The following PRKN variants were observed in gnomAD, a reference collection of about 807,000 sequenced individuals.
PRKN encodes the protein parkin RBR E3 ubiquitin protein ligase, also known as E3 ubiquitin-protein ligase parkin.
In PRKN, 56 loss-of-function variants were observed where a neutral mutation model predicts 59.5. The ratio of observed to expected loss-of-function variants is 0.94; its 90% confidence interval spans 0.76 to 1.18. The LOEUF is 1.18. Ranked by LOEUF, PRKN falls within the 50% of genes most tolerant of loss-of-function variation. The pLI is 0.00. For synonymous variants in PRKN, 250 were observed against 222.1 expected, an observed-to-expected ratio of 1.13 and a Z score of -1.12; for missense variants, 657 against 596.4, an observed-to-expected ratio of 1.10 and a Z score of -1.06.
At chr6:161,728,665 TA>T (rs1375756152) in intron 7 of PRKN, among the ~76,000 whole-genome samples, 1 of 152,164 alleles carries the variant, frequency 6.6e-6, no homozygotes, top group Admixed American at 6.5e-5. Context: ...TCTGATGGAA[TA>T]TTCTTTTTGG....
intron 3 of PRKN, among the ~76,000 whole-genome samples, chr6:162,257,856 G>A (rs1403728458): frequency 6.6e-6 from 1 of 152,098 alleles, no homozygotes; most frequent in Non-Finnish European, 1.5e-5. Context: ...GCTTCCTGAA[G>A]TCAGATCATG....
intron 5 of PRKN, among the ~76,000 whole-genome samples, chr6:162,045,803 C>T (rs1253038730): frequency 6.6e-6 from 1 of 152,100 alleles, no homozygotes; most frequent in Non-Finnish European, 1.5e-5. Context: ...ATCTCTTGGC[C>T]CATTACTCTC....
chr6:162,375,280 G>C (rs1785998858), intron 2 of PRKN, among the ~76,000 whole-genome samples: 1 of 151,970 alleles, frequency 6.6e-6, no homozygotes, highest in South Asian at 2.1e-4. Context: ...CTTCAAGTGT[G>C]AGCCACAGTG....
intron 1 of PRKN, among the ~76,000 whole-genome samples, chr6:162,676,638 GAA>G (rs1313604713): frequency 1.3e-5 from 2 of 152,166 alleles, no homozygotes; most frequent in Non-Finnish European, 2.9e-5. Context: ...AGAAAAGAAA[GAA>G]AGAGATTTAG....
chr6:162,318,056 T>G (rs2128120519), intron 2 of PRKN, among the ~76,000 whole-genome samples: 1 of 152,086 alleles, frequency 6.6e-6, no homozygotes, highest in Non-Finnish European at 1.5e-5. Context: ...CCATACCCAT[T>G]AAACACTCAC....
intron 2 of PRKN, among the ~76,000 whole-genome samples, chr6:162,346,394 T>C (rs1414260178): frequency 6.6e-6 from 1 of 151,312 alleles, no homozygotes; most frequent in Non-Finnish European, 1.5e-5. Context: ...GGTGGATGAA[T>C]TGCTTGTGCC....
intron 7 of PRKN, among the ~76,000 whole-genome samples, chr6:161,776,281 C>T (rs1485051288): frequency 2.0e-5 from 3 of 152,118 alleles, no homozygotes; most frequent in African/African-American, 7.2e-5. Context: ...AAAACAATTC[C>T]GAGCATAGAC....
chr6:162,569,659 G>A (rs1780229960), intron 1 of PRKN: 1 of 681,796 alleles, frequency 1.5e-6, no homozygotes, highest in East Asian at 2.7e-5. Context: ...CCAGGGCCAT[G>A]GTTGTGAAGA....
At chr6:162,554,895 T>A (rs1397318464) in intron 1 of PRKN, among the ~76,000 whole-genome samples, 1 of 152,138 alleles carries the variant, frequency 6.6e-6, no homozygotes, top group Non-Finnish European at 1.5e-5. Context: ...GTATCAACTA[T>A]CAAGAAAAAT....
chr6:161,883,744 T>C (rs1795031101), intron 6 of PRKN, among the ~76,000 whole-genome samples: 1 of 152,024 alleles, frequency 6.6e-6, no homozygotes, highest in Non-Finnish European at 1.5e-5. Flanking sequence ...CTTCCACCCC[T>C]TGGATTCAAG....
At chr6:162,213,742 TA>T (rs1326237264) in intron 3 of PRKN, among the ~76,000 whole-genome samples, 1 of 124,338 alleles carries the variant, frequency 8.0e-6, no homozygotes, top group South Asian at 2.5e-4. Context: ...CTTAAAAAAA[TA>T]AAAAAAATGT....
intron 8 of PRKN, among the ~76,000 whole-genome samples, chr6:161,553,720 G>A (rs1324068722): frequency 6.6e-6 from 1 of 151,848 alleles, no homozygotes; most frequent in African/African-American, 2.4e-5. Context: ...TTTTTTCAAT[G>A]AACATTTATA....
At chr6:162,691,469 T>TG (rs1777772174) in intron 1 of PRKN, among the ~76,000 whole-genome samples, 1 of 152,110 alleles carries the variant, frequency 6.6e-6, no homozygotes, top group African/African-American at 2.4e-5. Context: ...CCATCAAGAT[T>TG]TCAAAATAAT....
chr6:162,530,682 T>C (rs1003147620), intron 1 of PRKN, among the ~76,000 whole-genome samples: 1 of 152,192 alleles, frequency 6.6e-6, no homozygotes, highest in Non-Finnish European at 1.5e-5. Context: ...GAGGGATCGC[T>C]ATTAGCAGCA....
chr6:161,741,394 A>C (rs1426094974), intron 7 of PRKN, among the ~76,000 whole-genome samples: 3 of 152,198 alleles, frequency 2.0e-5, no homozygotes, highest in Non-Finnish European at 2.9e-5. Flanking sequence ...GGGCAAGGAA[A>C]CTGAACGGAG....
intron 7 of PRKN, among the ~76,000 whole-genome samples, chr6:161,728,016 G>C (rs1728256618): frequency 6.6e-6 from 1 of 152,076 alleles, no homozygotes; most frequent in Admixed American, 6.6e-5. Context: ...TCCAGTGGAA[G>C]ATGCCCGTCA....
chr6:162,638,049 TCATA>T (rs1777800352), intron 1 of PRKN, among the ~76,000 whole-genome samples: 2 of 152,112 alleles, frequency 1.3e-5, no homozygotes, highest in African/African-American at 2.4e-5. Context: ...ATAGTTTCTT[TCATA>T]GTTTCATTTT....
intron 7 of PRKN, among the ~76,000 whole-genome samples, chr6:161,752,536 T>C (rs1243973980): frequency 1.5e-4 from 22 of 151,484 alleles, no homozygotes; most frequent in Non-Finnish European, 1.5e-5. Context: ...TGCATAAAAA[T>C]ATAACAATTA....
At chr6:162,517,146 T>C (rs1335478645) in intron 1 of PRKN, among the ~76,000 whole-genome samples, 1 of 151,618 alleles carries the variant, frequency 6.6e-6, no homozygotes, top group African/African-American at 2.4e-5. Flanking sequence ...TTTTAGACTC[T>C]TGTGGGGAGC....
Sources: allele counts gnomAD v4.1 joint callset (sites outside exome capture counted in the v4.1 genomes callset), GRCh38; gene constraint gnomAD v4.1.1; transcripts MANE v1.5; gene names NCBI Gene and HGNC (gene_info 2026-07-23, HGNC 2026-07-21).